Variants in FSHR observed in about 807,000 individuals in gnomAD.
FSHR encodes the protein follicle-stimulating hormone receptor.
FSHR carries 46 observed loss-of-function variants against 52.1 expected under a neutral mutation model. The observed-to-expected ratio is 0.88, with a 90% CI of 0.70 to 1.13. The LOEUF (loss-of-function observed/expected upper bound fraction) is 1.13, where lower values mean the gene tolerates loss of function less well. FSHR is among the 50% of genes most tolerant of loss of function. The pLI, the probability that FSHR is intolerant of heterozygous loss-of-function variation, is 0.00. For synonymous variants in FSHR, 399 were observed against 309.6 expected (o/e 1.29, Z -3.03); for missense variants, 964 against 834.6 (o/e 1.16, Z -1.91).
At chr2:49,068,961 T>A (rs994297933) in intron 1 of FSHR, among the ~76,000 whole-genome samples, 7 of 152,106 alleles carry the variant, frequency 4.6e-5, no homozygotes, top group Non-Finnish European at 1.5e-5. Flanking sequence ...TTCTGCTTAC[T>A]GATATAAAAG....
At chr2:49,065,233 C>A (rs760175419) in intron 2 of FSHR, among the ~76,000 whole-genome samples, 1 of 152,032 alleles carries the variant, frequency 6.6e-6, no homozygotes, top group Non-Finnish European at 1.5e-5. Context: ...CGAGGAAGAT[C>A]CCTAGAAGTT....
At chr2:49,146,602 A>G (rs1672880465) in intron 1 of FSHR, among the ~76,000 whole-genome samples, 1 of 152,046 alleles carries the variant, frequency 6.6e-6, no homozygotes, top group African/African-American at 2.4e-5. Context: ...AAATCCCACA[A>G]GTGAGATCAG....
intron 1 of FSHR, among the ~76,000 whole-genome samples, chr2:49,075,588 T>C (rs1285224054): frequency 6.6e-6 from 1 of 152,114 alleles, no homozygotes; most frequent in Non-Finnish European, 1.5e-5. Flanking sequence ...TAACTACAGA[T>C]ATAACATATT....
At chr2:49,147,532 T>C (rs1672912939) in intron 1 of FSHR, among the ~76,000 whole-genome samples, 1 of 152,064 alleles carries the variant, frequency 6.6e-6, no homozygotes, top group African/African-American at 2.4e-5. Context: ...AAGGGGGTTT[T>C]ATCATCACCA....
At chr2:49,045,437 G>T (rs1248281313) in intron 2 of FSHR, among the ~76,000 whole-genome samples, 1 of 152,212 alleles carries the variant, frequency 6.6e-6, no homozygotes, top group Non-Finnish European at 1.5e-5. Flanking sequence ...CTCATGAAAT[G>T]CTCATTGAAT....
In FSHR at chr2:48,990,598, A is replaced by T. The variant is rs1224181382; in HGVS notation, c.414T>A (p.Val138=). The change falls in exon 5 of 10, where the codon GTT becomes GTA. Residue 138 remains valine, a synonymous_variant. Transcript: ENST00000406846. The stretch of plus-strand genomic sequence containing the variant: ...CTTTTTGGAGAGAATGAATCTTGTG[A>T]ACATCTGGAAGGTGCTTAATACCTG... ...SNTGIKHLPD[V]HKIHSLQKVL... is the part of the protein sequence containing the mutation. 6.2e-7 allele frequency: 1 copy of T among 1,612,212 alleles called. No homozygotes were observed. The highest frequency in any genetic ancestry group is 2.2e-5 in the East Asian group (1 of 44,864).
intron 1 of FSHR, among the ~76,000 whole-genome samples, chr2:49,072,303 A>G (rs1171493499): frequency 6.6e-6 from 1 of 152,192 alleles, no homozygotes; most frequent in African/African-American, 2.4e-5. Flanking sequence ...CATCGCAATT[A>G]TAATTAGGAA....
intron 2 of FSHR, among the ~76,000 whole-genome samples, chr2:49,060,625 T>G (rs1669251672): frequency 6.6e-6 from 1 of 152,142 alleles, no homozygotes; most frequent in Non-Finnish European, 1.5e-5. Flanking sequence ...GCTGAACAGC[T>G]GCATATTCCA....
chr2:48,971,282 C>T (rs955758012), intron 8 of FSHR, among the ~76,000 whole-genome samples: 3 of 152,178 alleles, frequency 2.0e-5, no homozygotes, highest in Non-Finnish European at 4.4e-5. Context: ...GCAAATGGCA[C>T]TAGTGGGATA....
intron 1 of FSHR, among the ~76,000 whole-genome samples, chr2:49,073,883 C>A (rs1669848487): frequency 6.6e-6 from 1 of 151,944 alleles, no homozygotes; most frequent in Admixed American, 6.6e-5. Flanking sequence ...GAAAATAATC[C>A]ATGTATTGAC....
chr2:49,014,969 G>C, intron 4 of FSHR: 1 of 456,300 alleles, frequency 2.2e-6, no homozygotes, highest in South Asian at 1.6e-5. Flanking sequence ...AGATAGAGTT[G>C]GGAGAAAGGA....
At chr2:49,056,193 G>C (rs996922943) in intron 2 of FSHR, among the ~76,000 whole-genome samples, 1 of 151,686 alleles carries the variant, frequency 6.6e-6, no homozygotes, top group African/African-American at 2.4e-5. Context: ...CATATAGACT[G>C]GTGAAATAGA....
chr2:49,068,993 T>G (rs1669623171), intron 1 of FSHR, among the ~76,000 whole-genome samples: 1 of 152,116 alleles, frequency 6.6e-6, no homozygotes, highest in Non-Finnish European at 1.5e-5. Context: ...GTCTCTCATC[T>G]CATCTAAAAA....
chr2:49,046,552 G>T (rs895472310), intron 2 of FSHR, among the ~76,000 whole-genome samples: 5 of 152,166 alleles, frequency 3.3e-5, no homozygotes, highest in African/African-American at 1.2e-4. Context: ...GCTTAGCTCA[G>T]TTTCTGGCAA....
intron 1 of FSHR, among the ~76,000 whole-genome samples, chr2:49,136,324 A>G (rs1046307284): frequency 5.3e-5 from 8 of 152,120 alleles, no homozygotes; most frequent in Non-Finnish European, 1.0e-4. Flanking sequence ...AAGAAGAAAT[A>G]TATAATATAA....
intron 8 of FSHR, among the ~76,000 whole-genome samples, chr2:48,974,351 G>A (rs1348323654): frequency 1.3e-5 from 2 of 152,260 alleles, no homozygotes; most frequent in Non-Finnish European, 2.9e-5. Flanking sequence ...TTGCCTTTCC[G>A]TTGCTCAGTG....
chr2:48,982,794 T>C, intron 8 of FSHR, 118 bp downstream of exon 8: 1 of 892,840 alleles, frequency 1.1e-6, no homozygotes, highest in Non-Finnish European at 1.9e-6. Flanking sequence ...ATGACACGAA[T>C]AAAAATTGAA....
intron 4 of FSHR, among the ~76,000 whole-genome samples, chr2:49,017,048 G>A (rs1320429948): frequency 6.6e-6 from 1 of 152,180 alleles, no homozygotes; most frequent in Non-Finnish European, 1.5e-5. Flanking sequence ...AAAATACCAT[G>A]TGTGTTATTA....
chr2:48,992,315 G>T (rs1266440076), intron 4 of FSHR, among the ~76,000 whole-genome samples: 5 of 152,132 alleles, frequency 3.3e-5, no homozygotes, highest in Non-Finnish European at 7.4e-5. Flanking sequence ...ATTCCCTTGT[G>T]TTTTCCCTTT....
Sources: allele counts gnomAD v4.1 joint callset (sites outside exome capture counted in the v4.1 genomes callset), GRCh38; gene constraint gnomAD v4.1.1; transcripts MANE v1.5; gene names NCBI Gene and HGNC (gene_info 2026-07-23, HGNC 2026-07-21).